The following XDH variants were observed in gnomAD, a reference collection of about 807,000 sequenced individuals.
XDH encodes the protein xanthine dehydrogenase.
A neutral mutation model predicts 156.1 loss-of-function variants in XDH; 138 were observed. That is an observed-to-expected ratio of 0.88 (90% confidence interval 0.77 to 1.02). The LOEUF is 1.02. Among genes scored for constraint, XDH ranks in the 50% least tolerant of loss-of-function variants. XDH has a pLI of 0.00. For missense variants in XDH, 1,849 were observed against 1,684.9 expected (o/e 1.10, Z -1.71); for synonymous variants, 669 against 625.7 (o/e 1.07, Z -1.03).
chr2:31,406,022 A>G (rs1687183828), intron 1 of XDH, 58 bp from the exon 2 acceptor site: 1 of 1,578,860 alleles, frequency 6.3e-7, no homozygotes, highest in Middle Eastern at 1.7e-4. Context: ...TCTTTCTGCA[A>G]TTAATTTCTT....
At chr2:31,342,992 A>C (rs1416722639) in intron 31 of XDH, among the ~76,000 whole-genome samples, 1 of 152,140 alleles carries the variant, frequency 6.6e-6, no homozygotes, top group Non-Finnish European at 1.5e-5. Flanking sequence ...TAGAGTTTAC[A>C]GTACACTGAC....
rs1685906837 is a variant in XDH at position 31,366,053 on chromosome 2, C to T, written c.2379G>A (p.Lys793=). 6.2e-7 allele frequency: 1 copy of T among 1,614,202 alleles called. No individual in the cohort carries two copies. Among genetic ancestry groups the T allele is most frequent in the Non-Finnish European group, 8.5e-7 (1 of 1,180,022 alleles). ...TGCCTCCAAAGCCTCCTCCCATTCTCTTCACTCGAACCACAATCCGGTTTG... is the reference window on the plus strand; with the variant it reads ...TGCCTCCAAAGCCTCCTCCCATTCTTTTCACTCGAACCACAATCCGGTTTG... The part of the protein sequence containing the change: ...VPANRIVVRV[K]RMGGGFGGKE... Residue 793 remains lysine, a synonymous_variant, in exon 22 of 36, where the codon AAG becomes AAA. Coordinates refer to ENST00000379416, the MANE Select transcript of XDH (RefSeq NM_000379.4).
At chr2:31,365,817 C>T (rs1376899546) in intron 22 of XDH, among the ~76,000 whole-genome samples, 159 bp downstream of exon 22, 1 of 152,212 alleles carries the variant, frequency 6.6e-6, no homozygotes, top group Non-Finnish European at 1.5e-5. Flanking sequence ...CGATGTTACC[C>T]TCCCACTATG....
At chr2:31,413,569 T>C (rs138435021) in intron 1 of XDH, among the ~76,000 whole-genome samples, 1 of 152,322 alleles carries the variant, frequency 6.6e-6, no homozygotes, top group African/African-American at 2.4e-5. Flanking sequence ...ATTTAAGACC[T>C]AGGAGTCCAG....
chr2:31,370,770 T>G lies in XDH; in HGVS notation c.1857-292A>C, dbSNP rs928112881. Among the ~76,000 whole-genome samples, 3 of 152,084 alleles carry G rather than the reference T, an allele frequency of 2.0e-5. No homozygotes were observed. The East Asian group carries it at 5.8e-4, about 29-fold the overall frequency. ...ATCCCAGCACCTTGGCAGGTCAAGGTGGGAGGATCACTTGAGCCCAGGAGT... is the reference window on the plus strand; with the variant it reads ...ATCCCAGCACCTTGGCAGGTCAAGGGGGGAGGATCACTTGAGCCCAGGAGT... On this transcript the variant is annotated intron_variant, in intron 17 of 35. Transcript: ENST00000379416.
At chr2:31,347,447 C>A in intron 29 of XDH, 75 bp downstream of exon 29, 1 of 1,606,318 alleles carries the variant, frequency 6.2e-7, no homozygotes, top group Non-Finnish European at 8.5e-7. Flanking sequence ...CCTTCTAGCT[C>A]CCACCCAGGG....
chr2:31,402,440 T>C (rs1196812902), intron 3 of XDH, among the ~76,000 whole-genome samples: 2 of 152,158 alleles, frequency 1.3e-5, no homozygotes, highest in East Asian at 1.9e-4. Context: ...TGAGTTTACA[T>C]TGGGAATGCT....
At chr2:31,401,403 G>C (rs1004782852) in intron 3 of XDH, 75 bp from the exon 4 acceptor site, 12 of 1,513,146 alleles carry the variant, frequency 7.9e-6, no homozygotes, top group South Asian at 1.2e-5. Flanking sequence ...GTGAGCTCTG[G>C]AGGACTTTGT....
chr2:31,353,629 T>TG (rs1423778515), intron 24 of XDH, among the ~76,000 whole-genome samples: 46 of 152,316 alleles, frequency 3.0e-4, no homozygotes, highest in African/African-American at 1.1e-3. Flanking sequence ...GAAATGCCAA[T>TG]GATGACAGAG....
intron 24 of XDH, among the ~76,000 whole-genome samples, chr2:31,354,577 G>A (rs1036081257): frequency 5.3e-5 from 8 of 152,244 alleles, no homozygotes; most frequent in Admixed American, 6.5e-5. Context: ...TCTCACCAAA[G>A]ACATAGAAGA....
Position 31,387,825 on chromosome 2 carries a change from G to T in XDH, c.637C>A (p.Pro213Thr). ...PLDPTQEPIF[P>T]PELLRLKDTP... is the part of the protein sequence containing the mutation. ...GCATCACCTACCAGCAACTCTGGGG[G>T]AAAAATGGGCTCCTGGGTTGGATCC... The change falls in exon 8 of 36, where the codon CCC (proline) becomes ACC (threonine). Residue 213 changes from proline to threonine, a missense_variant. Pro to Thr is a conservative substitution (Grantham distance 38, BLOSUM62 -1). Transcript: ENST00000379416. 1 of 1,583,726 alleles carries T rather than the reference G, an allele frequency of 6.3e-7. No homozygotes were observed. The highest frequency in any genetic ancestry group is 8.6e-7 in the Non-Finnish European group (1 of 1,165,072).
intron 18 of XDH, among the ~76,000 whole-genome samples, chr2:31,369,969 T>C (rs1203701821): frequency 6.6e-6 from 1 of 152,258 alleles, no homozygotes; most frequent in Non-Finnish European, 1.5e-5. Flanking sequence ...ATAGATAAAC[T>C]TTCATGTAAG....
chr2:31,366,824 C>T (rs762887926), intron 21 of XDH, 46 bp downstream of exon 21: 3 of 1,612,878 alleles, frequency 1.9e-6, no homozygotes, highest in Non-Finnish European at 2.5e-6. Context: ...GCTAGGAGCT[C>T]CCCGCTACCC....
intron 24 of XDH, among the ~76,000 whole-genome samples, chr2:31,355,792 A>T (rs1228842582): frequency 2.6e-5 from 4 of 152,200 alleles, no homozygotes; most frequent in Admixed American, 2.0e-4. Context: ...TCATTATATG[A>T]TGTATAAATT....
In XDH at chr2:31,370,349, A is replaced by G. The variant is rs1268955753; in HGVS notation, c.1980+6T>C. ...TTTACTTCATATAAAAAAATCCAAGACTTACCTTATCCTTCGCAAAGACTG... is the reference window on the plus strand; with the variant it reads ...TTTACTTCATATAAAAAAATCCAAGGCTTACCTTATCCTTCGCAAAGACTG... On this transcript the variant is annotated splice_donor_region_variant and intron_variant, in intron 18 of 35. Transcript: ENST00000379416. 3 of 1,614,038 alleles carry G rather than the reference A, an allele frequency of 1.9e-6. No homozygotes were observed. The highest frequency in any genetic ancestry group is 4.5e-5 in the East Asian group (2 of 44,898).
At chr2:31,366,477 G>A (rs557999237) in intron 21 of XDH, among the ~76,000 whole-genome samples, 4 of 152,314 alleles carry the variant, frequency 2.6e-5, no homozygotes, top group African/African-American at 9.6e-5. Flanking sequence ...AGATAATTTA[G>A]TGGTCCCTGT....
At chr2:31,371,129 C>T (rs1040848976) in intron 17 of XDH, among the ~76,000 whole-genome samples, 7 of 152,170 alleles carry the variant, frequency 4.6e-5, no homozygotes, top group African/African-American at 1.7e-4. Context: ...CAACACGAAC[C>T]GCAAAGGGAG....
chr2:31,337,450 G>A (rs1354341141), intron 35 of XDH, among the ~76,000 whole-genome samples, 191 bp downstream of exon 35: 2 of 152,152 alleles, frequency 1.3e-5, no homozygotes, highest in Non-Finnish European at 2.9e-5. Flanking sequence ...GCTTTAAGGA[G>A]GTTTCTCATT....
At chr2:31,400,236 C>CTTTTT in intron 4 of XDH, among the ~76,000 whole-genome samples, 1 of 124,700 alleles carries the variant, frequency 8.0e-6, no homozygotes, top group Non-Finnish European at 1.6e-5. Flanking sequence ...CTGGTAACTT[C>CTTTTT]TTTTTTTTTT....
Sources: allele counts gnomAD v4.1 joint callset (sites outside exome capture counted in the v4.1 genomes callset), GRCh38; gene constraint gnomAD v4.1.1; transcripts MANE v1.5; gene names NCBI Gene and HGNC (gene_info 2026-07-23, HGNC 2026-07-21).